The following INSL6 variants were observed in gnomAD, a reference collection of about 807,000 sequenced individuals.
The protein encoded by INSL6 is insulin-like peptide INSL6.
Under a neutral mutation model 9.4 loss-of-function variants are expected in INSL6, and 16 were observed. The ratio of observed to expected loss-of-function variants is 1.70; its 90% confidence interval spans 1.15 to 2.59. The LOEUF is 2.59. Among genes scored for constraint, INSL6 ranks in the 30% most tolerant of loss-of-function variants. The pLI, the probability that INSL6 is intolerant of heterozygous loss-of-function variation, is 0.00. For synonymous variants in INSL6, 154 were observed against 96.9 expected (o/e 1.59, Z -3.46); for missense variants, 391 against 257.3 (o/e 1.52, Z -3.56).
chr9:5,085,665 C>A, the INSL6 span: 2 of 725,458 alleles, frequency 2.8e-6, no homozygotes, highest in South Asian at 3.0e-5. Context: ...TTTTCCTTTT[C>A]GAGAACGTGC....
the INSL6 span, chr9:5,054,745 A>C: frequency 6.2e-7 from 1 of 1,613,362 alleles, no homozygotes; most frequent in Non-Finnish European, 8.5e-7. This position sits in a 1 kb window ranked among gnomAD's most constrained non-coding sequence, Gnocchi z 4.9. Flanking sequence ...TCTGCCTTCT[A>C]CACAGAGAAA....
At chr9:5,112,805 C>A in the INSL6 span, 1 of 548,282 alleles carries the variant, frequency 1.8e-6, no homozygotes. Flanking sequence ...TTCAGCTGCC[C>A]ACCTGGGCTT....
At chr9:5,033,544 G>C in the INSL6 span, among the ~76,000 whole-genome samples, 2 of 152,158 alleles carry the variant, frequency 1.3e-5, no homozygotes, top group South Asian at 4.1e-4. Context: ...CAGATCTCTT[G>C]GCAGAAACTC....
At chr9:5,166,807 T>C (rs1825063165) in intron 1 of INSL6, among the ~76,000 whole-genome samples, 1 of 152,182 alleles carries the variant, frequency 6.6e-6, no homozygotes, top group Non-Finnish European at 1.5e-5. Context: ...GCTGGCATAA[T>C]CTTTATTCCA....
At chr9:5,095,353 A>G in the INSL6 span, among the ~76,000 whole-genome samples, 3 of 151,970 alleles carry the variant, frequency 2.0e-5, no homozygotes, top group Non-Finnish European at 4.4e-5. Flanking sequence ...TCTTACCCCC[A>G]TCTTGATTAA....
chr9:5,162,867 G>A (rs375337036), downstream of INSL6, among the ~76,000 whole-genome samples: 64 of 152,222 alleles, frequency 4.2e-4, no homozygotes, highest in African/African-American at 1.5e-3. Context: ...CTCAAATGTT[G>A]CTTATCAACT....
At chr9:5,153,404 C>T (rs768267136) in intron 2 of INSL6, among the ~76,000 whole-genome samples, 12 of 152,176 alleles carry the variant, frequency 7.9e-5, no homozygotes, top group Non-Finnish European at 1.3e-4. Context: ...TTCACCCTCA[C>T]GGTGTAAACA....
the INSL6 span, among the ~76,000 whole-genome samples, chr9:5,065,260 T>C: frequency 6.6e-6 from 1 of 152,226 alleles, no homozygotes; most frequent in Non-Finnish European, 1.5e-5. Context: ...GTTGTACAAG[T>C]TTAACATTTG....
the INSL6 span, among the ~76,000 whole-genome samples, chr9:5,048,678 T>C: frequency 6.6e-6 from 1 of 152,204 alleles, no homozygotes; most frequent in Non-Finnish European, 1.5e-5. Flanking sequence ...TAATAGTTTA[T>C]TTTCTTATAT....
the INSL6 span, among the ~76,000 whole-genome samples, chr9:5,036,536 C>A: frequency 6.6e-6 from 1 of 151,092 alleles, no homozygotes; most frequent in Non-Finnish European, 1.5e-5. Context: ...GAGATATAGA[C>A]CAATGGAAAG....
At chr9:5,185,124 C>G (rs141491557) in intron 1 of INSL6, among the ~76,000 whole-genome samples, 190 bp downstream of exon 1, 217 of 151,936 alleles carry the variant, frequency 1.4e-3, no homozygotes, top group African/African-American at 5.0e-3. Flanking sequence ...TTTATTTCCT[C>G]CAAGTTAAAA....
chr9:5,082,401 G>C, the INSL6 span, among the ~76,000 whole-genome samples: 1 of 152,250 alleles, frequency 6.6e-6, no homozygotes, highest in Non-Finnish European at 1.5e-5. Flanking sequence ...TCTCAGTGGA[G>C]TAAAGAATAA....
intron 1 of INSL6, among the ~76,000 whole-genome samples, chr9:5,167,305 C>A (rs1446204181): frequency 6.6e-6 from 1 of 152,230 alleles, no homozygotes; most frequent in Non-Finnish European, 1.5e-5. Flanking sequence ...GGGTTCCAAG[C>A]ATTAAGCTAT....
the INSL6 span, among the ~76,000 whole-genome samples, chr9:4,994,697 C>T: frequency 2.8e-3 from 433 of 152,208 alleles, 2 homozygotes; most frequent in African/African-American, 0.01. Context: ...ATTTACATAA[C>T]AGGCAGCTGG....
chr9:5,103,774 C>T, the INSL6 span, among the ~76,000 whole-genome samples: 4 of 152,044 alleles, frequency 2.6e-5, no homozygotes, highest in East Asian at 3.8e-4. Flanking sequence ...CACTCAAAAC[C>T]GCACAACTTC....
the INSL6 span, chr9:5,114,339 C>G: frequency 1.9e-6 from 1 of 537,542 alleles, no homozygotes; most frequent in Non-Finnish European, 3.7e-6. Flanking sequence ...TCAGGTCATC[C>G]TAAGGCAAGA....
chr9:5,064,272 G>C, the INSL6 span, among the ~76,000 whole-genome samples: 1 of 152,166 alleles, frequency 6.6e-6, no homozygotes, highest in African/African-American at 2.4e-5. Context: ...GCTCACGCCT[G>C]TAACCCCAAC....
At chr9:5,089,415 G>A in the INSL6 span, among the ~76,000 whole-genome samples, 1 of 151,912 alleles carries the variant, frequency 6.6e-6, no homozygotes. Flanking sequence ...GCGGGCGCCT[G>A]TATTCCCAGC....
chr9:5,090,768 T>C, the INSL6 span: 1 of 1,608,738 alleles, frequency 6.2e-7, no homozygotes, highest in Non-Finnish European at 8.5e-7. Flanking sequence ...CAAAAAGGTA[T>C]ATCCACAGGG....
Sources: allele counts gnomAD v4.1 joint callset (sites outside exome capture counted in the v4.1 genomes callset), GRCh38; gene constraint gnomAD v4.1.1; non-coding constraint Gnocchi (gnomAD v3.1); transcripts MANE v1.5; gene names NCBI Gene and HGNC (gene_info 2026-07-23, HGNC 2026-07-21).